The following ZNF469 variants were observed in gnomAD, a reference collection of about 807,000 sequenced individuals.
ZNF469 encodes zinc finger protein 469.
Under a neutral mutation model 1.0 loss-of-function variants are expected in ZNF469, and 1 was observed. The ratio of observed to expected loss-of-function variants is 1.00; its 90% CI spans 0.35 to 4.73. The LOEUF is 4.73. Among genes scored for constraint, ZNF469 ranks in the 30% most tolerant of loss-of-function variants. The probability of loss-of-function intolerance (pLI) is 0.16; values close to 1 mark genes in which losing one functional copy is unlikely to be tolerated. For missense variants in ZNF469, 6,100 were observed against 5,356.3 expected, an observed-to-expected ratio of 1.14 and a Z score of -4.33; for synonymous variants, 2,703 against 2,363.4, an observed-to-expected ratio of 1.14 and a Z score of -4.17.
chr16:88,351,888 T>C, the ZNF469 span, among the ~76,000 whole-genome samples: 11,595 of 152,262 alleles, frequency 0.076, 515 homozygotes, highest in East Asian at 0.13. Context: ...TTGATGTCTA[T>C]AGTGGGTTTC....
At chr16:88,225,350 A>T in the ZNF469 span, among the ~76,000 whole-genome samples, 1 of 152,202 alleles carries the variant, frequency 6.6e-6, no homozygotes, top group African/African-American at 2.4e-5. Flanking sequence ...TAAACTTGAG[A>T]CACAGTCTCC....
the ZNF469 span, among the ~76,000 whole-genome samples, chr16:88,267,988 C>T: frequency 5.4e-4 from 81 of 150,412 alleles, no homozygotes; most frequent in African/African-American, 1.9e-3. Flanking sequence ...ACATTCTTAC[C>T]GGCTCCTGCC....
At position 88,427,484 on chromosome 16, in the gene ZNF469, GC is replaced by G. The variant is rs1905764128; in HGVS notation, c.19del (p.Arg7GlufsTer8). On this transcript the variant is annotated frameshift_variant, in exon 3 of 3. Transcript: ENST00000565624. LOFTEE classifies it low-confidence loss of function (END_TRUNC). MPGERPRGAPPPTMT... is the reference protein window; with the variant it reads MPGEXPRGAPPPTMT... ...GACGGAGGGGCCATGCCTGGGGAGC[GC>G]CCCCGAGGAGCGCCGCCCCCCACCA... The G allele has an allele frequency of 6.6e-7, 1 of 1,518,214 alleles. No homozygotes were observed. The highest frequency in any genetic ancestry group is 8.8e-7 in the Non-Finnish European group (1 of 1,135,838). The allele number at this position is 1,518,214 out of a possible 1,614,324, so 94.0% of individuals were successfully genotyped here. A position where few individuals can be genotyped will look rare whatever the true frequency, so the allele number is the denominator to read the frequency against.
chr16:88,234,068 G>T, the ZNF469 span, among the ~76,000 whole-genome samples: 1 of 152,204 alleles, frequency 6.6e-6, no homozygotes, highest in Admixed American at 6.5e-5. Flanking sequence ...TGGGCTGCAG[G>T]CGCTGGGTGA....
chr16:88,149,565 C>T, the ZNF469 span, among the ~76,000 whole-genome samples: 4 of 152,194 alleles, frequency 2.6e-5, no homozygotes, highest in Non-Finnish European at 5.9e-5. Context: ...GTTTAGCAAG[C>T]AGTGGGCGAG....
At chr16:88,124,850 C>T in the ZNF469 span, among the ~76,000 whole-genome samples, 2 of 152,226 alleles carry the variant, frequency 1.3e-5, no homozygotes, top group African/African-American at 2.4e-5. Flanking sequence ...TTCCAAAGTG[C>T]TGGGATTACA....
At chr16:88,381,097 CCCGG>C (rs2092522543), upstream of ZNF469, among the ~76,000 whole-genome samples, 26 of 142,272 alleles carry the variant, frequency 1.8e-4, no homozygotes, top group Admixed American at 2.8e-4. Context: ...CACTCACACA[CCCGG>C]ACATGCACTC....
the ZNF469 span, among the ~76,000 whole-genome samples, chr16:88,118,681 G>C: frequency 5.9e-5 from 9 of 152,174 alleles, no homozygotes; most frequent in Admixed American, 5.9e-4. Context: ...TTAGCAGAGG[G>C]GCCCTGTTGT....
intron 1 of ZNF469, among the ~76,000 whole-genome samples, chr16:88,401,971 G>C (rs149351570): frequency 0.28 from 39,317 of 138,564 alleles, 1,856 homozygotes; most frequent in African/African-American, 0.4. Context: ...TGGGTGGATG[G>C]ATAGATACGT....
chr16:88,249,429 C>CTTTTTTTTTTTTTTTTTTTTTTTTTT, the ZNF469 span, among the ~76,000 whole-genome samples: 2 of 63,638 alleles, frequency 3.1e-5, no homozygotes, highest in African/African-American at 8.5e-5. Flanking sequence ...TTTTCTTTTT[C>CTTTTTTTTTTTTTTTTTTTTTTTTTT]TTTTTTTTTT....
rs574024256 is a variant in ZNF469, at chr16:88,435,900, G to A, written c.8430G>A (p.Ala2810=). 3.1e-4 allele frequency: 477 copies of A among 1,550,100 alleles called. 3 individuals are homozygous for A. The South Asian group carries it at 5.1e-3, about 16-fold the overall frequency. The change falls in exon 3 of 3, where the codon GCG becomes GCA. Residue 2810 remains alanine, a synonymous_variant. Transcript: ENST00000565624. ...LGFPETSSSP[A]DSTTSSCLQG... ...TTCCCGAGACTTCCAGCTCTCCGGC[G>A]GACAGCACCACCAGCAGCTGCCTCC...
chr16:88,436,424 A>C lies in ZNF469; in HGVS notation c.8954A>C (p.Glu2985Ala). Reference protein sequence around the residue: ...PSHCPEDDRPEAIPELHMVPA... With the variant: ...PSHCPEDDRPAAIPELHMVPA... ...CACTGCCCCGAGGACGATCGGCCGG[A>C]GGCCATTCCTGAGCTGCACATGGTC... is the stretch of plus-strand genomic sequence containing the variant. Residue 2985 changes from glutamate to alanine, a missense_variant, in exon 3 of 3, where the codon GAG becomes GCG. Physicochemically the swap from Glu to Ala is moderately radical, Grantham distance 107 (BLOSUM62 -1). Coordinates refer to ENST00000565624, the MANE Select transcript of ZNF469 (RefSeq NM_001367624.2). 1 of 1,548,822 alleles carries C rather than the reference A, an allele frequency of 6.5e-7. No homozygotes were observed. Among genetic ancestry groups the C allele is most frequent in the Non-Finnish European group, 8.7e-7 (1 of 1,146,936 alleles).
At chr16:88,282,973 C>T in the ZNF469 span, among the ~76,000 whole-genome samples, 844 of 152,286 alleles carry the variant, frequency 5.5e-3, 9 homozygotes, top group African/African-American at 0.018. Flanking sequence ...TTTAGCTTAA[C>T]GGGGAGCAGG....
chr16:88,236,592 C>T, the ZNF469 span, among the ~76,000 whole-genome samples: 17 of 152,296 alleles, frequency 1.1e-4, no homozygotes, highest in South Asian at 6.2e-4. Flanking sequence ...TTGGGCTGGG[C>T]GCGGTATCTC....
the ZNF469 span, among the ~76,000 whole-genome samples, chr16:88,137,533 A>G: frequency 6.7e-6 from 1 of 148,252 alleles, no homozygotes; most frequent in Non-Finnish European, 1.5e-5. Flanking sequence ...ATGCAACCAC[A>G]TGTGTCAGCT....
chr16:88,435,052 A>G lies in ZNF469; in HGVS notation c.7582A>G (p.Lys2528Glu). The G allele has an allele frequency of 6.5e-7, 1 of 1,550,368 alleles. No homozygotes were observed. Among genetic ancestry groups the G allele is most frequent in the East Asian group, 2.4e-5 (1 of 40,914 alleles). Residue 2528 changes from lysine (K) to glutamate (E), a missense_variant, in exon 3 of 3, where the codon AAG (lysine) becomes GAG (glutamate). Physicochemically the swap from Lys to Glu is moderately conservative, Grantham distance 56 (BLOSUM62 1). Transcript: ENST00000565624. ...PLAQKCQPPR[K>E]KSHRVSGKER... ...AGCCCAAAAGTGCCAGCCGCCCAGGAAGAAAAGCCACAGGGTGTCTGGGAA... is the reference window on the plus strand; with the variant it reads ...AGCCCAAAAGTGCCAGCCGCCCAGGGAGAAAAGCCACAGGGTGTCTGGGAA...
chr16:88,343,851 A>C, the ZNF469 span, among the ~76,000 whole-genome samples: 1 of 152,136 alleles, frequency 6.6e-6, no homozygotes, highest in Non-Finnish European at 1.5e-5. Flanking sequence ...TGAGTTTTGC[A>C]GGGGACAAAT....
chr16:88,393,315 C>T (rs1001312616), intron 1 of ZNF469, among the ~76,000 whole-genome samples: 7 of 152,240 alleles, frequency 4.6e-5, no homozygotes, highest in Non-Finnish European at 7.3e-5. Flanking sequence ...CCGCGGCATC[C>T]GATTGTTAGC....
the ZNF469 span, among the ~76,000 whole-genome samples, chr16:88,140,944 CAAACAAAA>C: frequency 3.3e-5 from 5 of 152,050 alleles, no homozygotes; most frequent in East Asian, 7.7e-4. Flanking sequence ...AAAAAACAAA[CAAACAAAA>C]AAACAAAAAA....
Sources: allele counts gnomAD v4.1 joint callset (sites outside exome capture counted in the v4.1 genomes callset), GRCh38; gene constraint gnomAD v4.1.1; transcripts MANE v1.5; gene names NCBI Gene and HGNC (gene_info 2026-07-23, HGNC 2026-07-21).